INPP5F: variants seen among roughly 807,000 people sequenced by gnomAD.
The protein encoded by INPP5F is phosphatidylinositide 4-phosphatase SAC2.
INPP5F carries 97 observed loss-of-function variants against 137.2 expected under a neutral mutation model. The observed-to-expected ratio is 0.71, with a 90% CI of 0.60 to 0.84. The LOEUF is 0.84. INPP5F is among the 40% of genes least tolerant of loss of function. INPP5F has a pLI of 0.00. For missense variants in INPP5F, 1,271 were observed against 1,371.9 expected, an observed-to-expected ratio of 0.93 and a Z score of 1.16; for synonymous variants, 504 against 476.9, an observed-to-expected ratio of 1.06 and a Z score of -0.74.
rs1849951359 is a variant in INPP5F at position 119,787,261 on chromosome 10, A to G, written c.316-4256A>G. Among the ~76,000 whole-genome samples the G allele has an allele frequency of 1.3e-5, 2 of 152,154 alleles. No individual in the cohort carries two copies. The highest frequency in any genetic ancestry group is 1.3e-4 in the Admixed American group (2 of 15,268). ...GATGGGCTTATATTAACTCTGTTTC[A>G]AGCCCAGGATGAGGGTAGATAAAAG... On this transcript the variant is annotated intron_variant, in intron 3 of 19. Transcript: ENST00000650623. This position sits in a 1 kb window ranked among gnomAD's most constrained non-coding sequence, Gnocchi z 4.1.
chr10:119,773,523 G>A (rs994895509), intron 2 of INPP5F, among the ~76,000 whole-genome samples: 4 of 152,040 alleles, frequency 2.6e-5, no homozygotes, highest in South Asian at 2.1e-4. Flanking sequence ...CCCCCGTTTC[G>A]GAATCTCCAG....
chr10:119,754,140 C>G (rs1341172010), intron 2 of INPP5F, among the ~76,000 whole-genome samples: 1 of 152,206 alleles, frequency 6.6e-6, no homozygotes, highest in African/African-American at 2.4e-5. Context: ...CGTTAGACTT[C>G]TAGGTAAGAG....
chr10:119,742,115 C>T (rs941116861), intron 1 of INPP5F, among the ~76,000 whole-genome samples: 20 of 151,984 alleles, frequency 1.3e-4, no homozygotes, highest in African/African-American at 2.7e-4. Flanking sequence ...AGAGCCACTG[C>T]GCCCGGCCCG....
At chr10:119,789,586 C>T (rs1043207890) in intron 3 of INPP5F, among the ~76,000 whole-genome samples, 61 of 151,902 alleles carry the variant, frequency 4.0e-4, no homozygotes, top group Admixed American at 3.5e-3. Context: ...TAGGAGTCAA[C>T]AAGACAAAGA....
At chr10:119,751,817 G>A (rs963530157) in intron 2 of INPP5F, among the ~76,000 whole-genome samples, 1 of 152,194 alleles carries the variant, frequency 6.6e-6, no homozygotes, top group Non-Finnish European at 1.5e-5. Context: ...TAAAATTAGA[G>A]ATGGGTTCTT....
At chr10:119,791,794 C>T in intron 4 of INPP5F, 75 bp from the exon 5 acceptor site, 2 of 1,387,516 alleles carry the variant, frequency 1.4e-6, no homozygotes, top group South Asian at 2.8e-5. Context: ...TCACTTCTGT[C>T]TTAGGAATTT....
Position 119,823,064 on chromosome 10 carries a change from A to G in INPP5F, c.2033-7A>G. 1 of 1,605,970 alleles carries G rather than the reference A, an allele frequency of 6.2e-7. No individual in the cohort carries two copies. Among genetic ancestry groups the G allele is most frequent in the South Asian group, 1.1e-5 (1 of 88,972 alleles). ...TTAACTTTATACGTATTCATTTGGG[A>G]TTTTAGGCCCTGAACCCACTCTTTT... On this transcript the variant is annotated splice_region_variant and splice_polypyrimidine_tract_variant and intron_variant, in intron 17 of 19. Coordinates refer to ENST00000650623, the MANE Select transcript of INPP5F (RefSeq NM_014937.4).
chr10:119,767,894 A>G lies in INPP5F; in HGVS notation c.179-13741A>G, dbSNP rs1024661. Among the ~76,000 whole-genome samples the G allele has an allele frequency of 1.6e-3, 242 of 152,338 alleles. 4 individuals are homozygous for G. The East Asian group carries it at 0.036, about 22-fold the overall frequency. On this transcript the variant is annotated intron_variant, in intron 2 of 19. Transcript: ENST00000650623. ...TAACCTTAAAACCAACTATAAATAT[A>G]TATAAAAAGCAACGAGTCATTTGGT...
In INPP5F at chr10:119,791,624, G is replaced by A; in HGVS notation, c.423G>A (p.Val141=). 6.2e-7 allele frequency: 1 copy of A among 1,603,928 alleles called. No individual in the cohort carries two copies. The highest frequency in any genetic ancestry group is 1.7e-4 in the Middle Eastern group (1 of 5,968). The part of the protein sequence containing the change: ...LKTFTHIKSN[V]SAPNKKKVKE... ...CCTTTACGCATATTAAATCCAATGT[G>A]TCTGCTCCTAATAAAAAGAAAGTAA... The change falls in exon 4 of 20, where the codon GTG becomes GTA. Residue 141 remains valine, a synonymous_variant. Coordinates refer to ENST00000650623, the MANE Select transcript of INPP5F (RefSeq NM_014937.4).
intron 9 of INPP5F, among the ~76,000 whole-genome samples, chr10:119,800,972 G>A: frequency 6.7e-6 from 1 of 148,414 alleles, no homozygotes; most frequent in East Asian, 2.0e-4. Flanking sequence ...AAAAAAAGTG[G>A]AGGGATACCA....
intron 2 of INPP5F, among the ~76,000 whole-genome samples, chr10:119,778,111 A>G (rs936909062): frequency 3.9e-5 from 6 of 151,936 alleles, no homozygotes; most frequent in African/African-American, 1.2e-4. Context: ...AGTTCAAGCA[A>G]TTCTCATGCC....
chr10:119,730,347 T>C (rs1848021676), intron 1 of INPP5F, among the ~76,000 whole-genome samples: 1 of 152,196 alleles, frequency 6.6e-6, no homozygotes, highest in Non-Finnish European at 1.5e-5. Flanking sequence ...TGACCTCAGG[T>C]GATCCACCCT....
At chr10:119,794,757 A>C (rs1230891606) in intron 6 of INPP5F, among the ~76,000 whole-genome samples, 4 of 65,724 alleles carry the variant, frequency 6.1e-5, no homozygotes, top group South Asian at 1.1e-3. Flanking sequence ...TGACCCCCCC[A>C]CCTCCCTCCC....
chr10:119,805,503 C>G (rs2273749), intron 11 of INPP5F, 42 bp downstream of exon 11: 375,925 of 1,330,484 alleles, frequency 0.28, 57,636 homozygotes, highest in East Asian at 0.6. Flanking sequence ...ACTCTGGGAT[C>G]TGTAAAATAG....
intron 13 of INPP5F, 36 bp downstream of exon 13, chr10:119,808,096 G>A (rs1850871581): frequency 6.2e-7 from 1 of 1,600,022 alleles, no homozygotes; most frequent in East Asian, 2.2e-5. Flanking sequence ...GGGTCATTAT[G>A]TAGGACACAG....
At chr10:119,743,897 C>G (rs1429857713) in intron 1 of INPP5F, among the ~76,000 whole-genome samples, 1 of 151,934 alleles carries the variant, frequency 6.6e-6, no homozygotes, top group East Asian at 1.9e-4. Flanking sequence ...CAGAGCAGTT[C>G]ACCAGGAAAA....
chr10:119,786,626 T>A (rs893878770), intron 3 of INPP5F, among the ~76,000 whole-genome samples: 1 of 152,256 alleles, frequency 6.6e-6, no homozygotes, highest in African/African-American at 2.4e-5. Flanking sequence ...TCATCCTGCC[T>A]TCAGCCCCCC....
intron 2 of INPP5F, among the ~76,000 whole-genome samples, chr10:119,754,843 A>G (rs912646411): frequency 3.3e-5 from 5 of 152,048 alleles, no homozygotes; most frequent in Admixed American, 3.3e-4. Flanking sequence ...CCTGGGTCAG[A>G]TTGGCTAGAA....
chr10:119,804,336 G>A lies in INPP5F; in HGVS notation c.1241+39G>A, dbSNP rs368977714. 20 of 1,507,754 alleles carry A rather than the reference G, an allele frequency of 1.3e-5. 1 individual carries two copies. In the African/African-American group the frequency reaches 2.1e-4, roughly 16 times the overall value. The allele number at this position is 1,507,754 out of a possible 1,614,324, so 93.4% of individuals were successfully genotyped here. On this transcript the variant is annotated intron_variant, in intron 10 of 19. Coordinates refer to ENST00000650623, the MANE Select transcript of INPP5F (RefSeq NM_014937.4). Reference sequence around the variant, plus strand: ...CGGAGAATAGTGTTGATCAATTGCAGTGTTTTTGGTAGATGCTGCCACAGG... The same window carrying A: ...CGGAGAATAGTGTTGATCAATTGCAATGTTTTTGGTAGATGCTGCCACAGG...
Sources: allele counts gnomAD v4.1 joint callset (sites outside exome capture counted in the v4.1 genomes callset), GRCh38; gene constraint gnomAD v4.1.1; non-coding constraint Gnocchi (gnomAD v3.1); transcripts MANE v1.5; gene names NCBI Gene and HGNC (gene_info 2026-07-23, HGNC 2026-07-21).